The following CSMD1 variants were observed in gnomAD, a reference collection of about 807,000 sequenced individuals.
CSMD1 encodes the protein CUB and sushi domain-containing protein 1.
CSMD1 carries 213 observed loss-of-function variants against 417.5 expected under a neutral mutation model. The observed-to-expected ratio is 0.51, with a 90% CI of 0.46 to 0.57. The LOEUF (loss-of-function observed/expected upper bound fraction) is 0.57, where lower values mean the gene tolerates loss of function less well. CSMD1 is among the 20% of genes least tolerant of loss of function. The probability of loss-of-function intolerance (pLI) is 0.00; values close to 1 mark genes in which losing one functional copy is unlikely to be tolerated. For missense variants in CSMD1, 6,923 were observed against 4,529.7 expected (o/e 1.53, Z -15.17); for synonymous variants, 2,862 against 1,736.8 (o/e 1.65, Z -16.11).
At chr8:3,633,510 G>C (rs573311949) in intron 7 of CSMD1, among the ~76,000 whole-genome samples, 1 of 152,086 alleles carries the variant, frequency 6.6e-6, no homozygotes, top group Non-Finnish European at 1.5e-5. Flanking sequence ...CAGATGCAAT[G>C]GCATCAGAAT....
chr8:3,674,184 T>G (rs1441060816), intron 7 of CSMD1, among the ~76,000 whole-genome samples: 3 of 152,146 alleles, frequency 2.0e-5, no homozygotes, highest in South Asian at 2.1e-4. Context: ...TTCGAGAAAA[T>G]ACAAGACCCT....
At chr8:4,246,932 A>C (rs1391675386) in intron 3 of CSMD1, among the ~76,000 whole-genome samples, 1 of 152,204 alleles carries the variant, frequency 6.6e-6, no homozygotes, top group Non-Finnish European at 1.5e-5. Flanking sequence ...TGTAAGAGAG[A>C]ATGTAGATAA....
intron 3 of CSMD1, among the ~76,000 whole-genome samples, chr8:4,238,369 C>T (rs1802192009): frequency 2.0e-5 from 3 of 152,124 alleles, no homozygotes; most frequent in African/African-American, 7.2e-5. Flanking sequence ...ACTGGGGCAG[C>T]CCAAAGCACA....
chr8:3,844,810 G>C lies in CSMD1; in HGVS notation c.819-90768C>G, dbSNP rs552762383. ...GCCACTTCTGTTCATAGAAGAATCA[G>C]AACAGATTTTGTTTTTGTTTTTGTC... On this transcript the variant is annotated intron_variant, in intron 5 of 69. Coordinates refer to ENST00000635120, the MANE Select transcript of CSMD1 (RefSeq NM_033225.6). 2.6e-5 allele frequency among the ~76,000 whole-genome samples: 4 copies of C among 152,248 alleles called. No homozygotes were observed. The South Asian group carries it at 8.3e-4, about 32-fold the overall frequency.
chr8:3,236,819 G>T (rs59014653), intron 26 of CSMD1, among the ~76,000 whole-genome samples: 10,171 of 152,166 alleles, frequency 0.067, 412 homozygotes, highest in East Asian at 0.19. Flanking sequence ...ATTTTCAGTT[G>T]CATCCATCTT....
intron 4 of CSMD1, among the ~76,000 whole-genome samples, chr8:4,000,037 G>A (rs1369468060): frequency 6.6e-6 from 1 of 152,224 alleles, no homozygotes; most frequent in Non-Finnish European, 1.5e-5. Flanking sequence ...AAATAACTGT[G>A]TGTATACTAC....
At chr8:3,279,910 G>C (rs1410120192) in intron 26 of CSMD1, among the ~76,000 whole-genome samples, 1 of 152,194 alleles carries the variant, frequency 6.6e-6, no homozygotes, top group South Asian at 2.1e-4. Context: ...TGACACATAT[G>C]GATTATGAGC....
At chr8:4,890,618 T>C (rs1804053322) in intron 1 of CSMD1, among the ~76,000 whole-genome samples, 1 of 151,730 alleles carries the variant, frequency 6.6e-6, no homozygotes, top group South Asian at 2.1e-4. Context: ...CTCCCCTGCT[T>C]CAGGTCCTCA....
intron 26 of CSMD1, among the ~76,000 whole-genome samples, chr8:3,234,528 T>C (rs1799037015): frequency 6.6e-6 from 1 of 152,158 alleles, no homozygotes; most frequent in Non-Finnish European, 1.5e-5. Flanking sequence ...AGTAGGTTTT[T>C]CAATGGAAAG....
intron 2 of CSMD1, among the ~76,000 whole-genome samples, chr8:4,553,644 G>T (rs1486907422): frequency 6.6e-6 from 1 of 152,086 alleles, no homozygotes; most frequent in African/African-American, 2.4e-5. Context: ...AGCATGAAAA[G>T]CATCAGTGAG....
At chr8:4,446,710 G>A (rs978342181) in intron 2 of CSMD1, among the ~76,000 whole-genome samples, 1 of 146,254 alleles carries the variant, frequency 6.8e-6, no homozygotes, top group East Asian at 1.9e-4. Flanking sequence ...CCACCACCAT[G>A]CCTGAGTTGT....
intron 17 of CSMD1, among the ~76,000 whole-genome samples, chr8:3,388,569 C>G (rs1475018521): frequency 6.6e-6 from 1 of 152,148 alleles, no homozygotes; most frequent in Non-Finnish European, 1.5e-5. Flanking sequence ...TGTTTAGTCT[C>G]TAAAGGTGAT....
chr8:3,403,505 G>T (rs933950223), intron 15 of CSMD1, among the ~76,000 whole-genome samples: 1 of 152,122 alleles, frequency 6.6e-6, no homozygotes, highest in African/African-American at 2.4e-5. Context: ...TCTGCCGAGG[G>T]CTTCCTTTGT....
chr8:3,096,190 C>T (rs1261285268), intron 47 of CSMD1, among the ~76,000 whole-genome samples: 1 of 152,174 alleles, frequency 6.6e-6, no homozygotes, highest in African/African-American at 2.4e-5. Context: ...AAATTTGGTA[C>T]ACTTTCAGGG....
chr8:3,063,886 C>G (rs1327136705), intron 49 of CSMD1, among the ~76,000 whole-genome samples: 1 of 151,914 alleles, frequency 6.6e-6, no homozygotes, highest in Admixed American at 6.6e-5. Flanking sequence ...AATAGTCCAC[C>G]AGAGATGGAC....
intron 5 of CSMD1, among the ~76,000 whole-genome samples, chr8:3,957,021 G>C (rs778644422): frequency 3.9e-5 from 6 of 152,120 alleles, no homozygotes; most frequent in Non-Finnish European, 8.8e-5. Context: ...GAAGTAGAGA[G>C]TGACAGGCCT....
chr8:2,970,137 A>C (rs182818181), intron 57 of CSMD1, among the ~76,000 whole-genome samples: 272 of 152,332 alleles, frequency 1.8e-3, no homozygotes, highest in African/African-American at 6.1e-3. Flanking sequence ...TAGATTGGGA[A>C]GTGAAACGCA....
At chr8:4,616,427 T>C (rs1471461921) in intron 2 of CSMD1, among the ~76,000 whole-genome samples, 1 of 152,180 alleles carries the variant, frequency 6.6e-6, no homozygotes, top group African/African-American at 2.4e-5. Context: ...TTAAGAACAC[T>C]GGCTATTTAG....
intron 3 of CSMD1, among the ~76,000 whole-genome samples, chr8:4,128,635 C>T (rs371919989): frequency 6.6e-6 from 1 of 152,102 alleles, no homozygotes; most frequent in Non-Finnish European, 1.5e-5. Context: ...CCTCTTGAAG[C>T]TTTAGCTCTC....
Sources: gnomAD v4.1 joint callset for allele counts (sites outside exome capture counted in the v4.1 genomes callset) on GRCh38, gnomAD v4.1.1 for gene constraint, MANE v1.5 for transcripts, NCBI Gene and HGNC (gene_info 2026-07-23, HGNC 2026-07-21) for gene names.